EYA3: variants seen among roughly 807,000 people sequenced by gnomAD.
EYA3 encodes protein phosphatase EYA3.
Under a neutral mutation model 80.0 loss-of-function variants are expected in EYA3, and 39 were observed. The observed-to-expected ratio is 0.49, with a 90% confidence interval of 0.38 to 0.64. The LOEUF (loss-of-function observed/expected upper bound fraction) is 0.64, where lower values mean the gene tolerates loss of function less well. Ranked by LOEUF, EYA3 falls within the 30% of genes least tolerant of loss-of-function variation. The pLI is 0.00. For missense variants in EYA3, 523 were observed against 676.1 expected (o/e 0.77, Z 2.51); for synonymous variants, 206 against 232.8 (o/e 0.88, Z 1.05).
intron 17 of EYA3, among the ~76,000 whole-genome samples, chr1:27,976,382 C>T (rs542533469): frequency 1.9e-4 from 29 of 152,238 alleles, no homozygotes; most frequent in Middle Eastern, 3.4e-3. Flanking sequence ...ATCGCTTGAA[C>T]CCAGGAGGCG....
chr1:28,065,038 C>T (rs1644781855), intron 1 of EYA3, among the ~76,000 whole-genome samples: 1 of 152,214 alleles, frequency 6.6e-6, no homozygotes, highest in Non-Finnish European at 1.5e-5. Flanking sequence ...ACAGTAGTCT[C>T]CCCTTCCAAG....
chr1:27,996,215 C>T (rs566751082), intron 13 of EYA3, among the ~76,000 whole-genome samples: 6 of 152,212 alleles, frequency 3.9e-5, no homozygotes, highest in Non-Finnish European at 7.4e-5. Context: ...TAATTTGTTG[C>T]ATAGCAACAG....
chr1:27,999,177 C>G (rs1287074314), intron 12 of EYA3, among the ~76,000 whole-genome samples: 2 of 152,190 alleles, frequency 1.3e-5, no homozygotes, highest in Non-Finnish European at 2.9e-5. Flanking sequence ...AAAGTGTGCT[C>G]CCTCCCACCT....
chr1:28,046,579 C>T (rs1256524138), intron 3 of EYA3, among the ~76,000 whole-genome samples: 1 of 151,950 alleles, frequency 6.6e-6, no homozygotes, highest in Non-Finnish European at 1.5e-5. Flanking sequence ...ATTTTAGAGG[C>T]TGGGAAATCA....
In EYA3 at chr1:28,013,345, C is replaced by G. The variant is rs1390977106; in HGVS notation, c.586-51G>C. Reference sequence around the variant, plus strand: ...CAAGACTCTTATAGCATACATTAATCTCAACACAAGAGGCTTTCTTCTCCC... The same window carrying G: ...CAAGACTCTTATAGCATACATTAATGTCAACACAAGAGGCTTTCTTCTCCC... On this transcript the variant is annotated intron_variant, in intron 8 of 17. Coordinates refer to ENST00000373871, the MANE Select transcript of EYA3 (RefSeq NM_001990.4). This position sits in a 1 kb window ranked among gnomAD's most constrained non-coding sequence, Gnocchi z 4.0. 7.1e-7 allele frequency: 1 copy of G among 1,407,726 alleles called. No individual in the cohort carries two copies. The highest frequency in any genetic ancestry group is 2.4e-5 in the East Asian group (1 of 41,310). The allele number at this position is 1,407,726 out of a possible 1,614,324, so 87.2% of individuals were successfully genotyped here.
At chr1:28,072,158 T>C (rs1254987413) in intron 1 of EYA3, among the ~76,000 whole-genome samples, 1 of 152,078 alleles carries the variant, frequency 6.6e-6, no homozygotes, top group African/African-American at 2.4e-5. Flanking sequence ...AGATAGGAAC[T>C]GAAAAAATAG....
intron 6 of EYA3, among the ~76,000 whole-genome samples, chr1:28,033,651 A>T (rs1643275051): frequency 7.4e-6 from 1 of 135,464 alleles, no homozygotes; most frequent in Non-Finnish European, 1.6e-5. Flanking sequence ...TATTATTATT[A>T]TTATTATTAT....
intron 1 of EYA3, among the ~76,000 whole-genome samples, chr1:28,088,003 C>T (rs571849276): frequency 6.6e-6 from 1 of 152,294 alleles, no homozygotes; most frequent in East Asian, 1.9e-4. Context: ...AGAAGAACCC[C>T]AGGAGAAGCA....
chr1:27,972,540 T>C lies in EYA3; in HGVS notation c.*1926A>G, dbSNP rs1638771896. ...TGGCATTGGAAGGAGTCTTGCCTCT[T>C]TGTGCTGCAACATCTCTGGAAATGG... On this transcript the variant is annotated 3_prime_UTR_variant, in exon 18 of 18. Coordinates refer to ENST00000373871, the MANE Select transcript of EYA3 (RefSeq NM_001990.4). 2 of 152,384 alleles carry C rather than the reference T, an allele frequency of 1.3e-5. No individual in the cohort carries two copies. Among genetic ancestry groups the C allele is most frequent in the African/African-American group, 2.4e-5 (1 of 41,580 alleles). The allele number at this position is 152,384 out of a possible 1,614,324, so 9.4% of individuals were successfully genotyped here. A position where few individuals can be genotyped will look rare whatever the true frequency, so the allele number is the denominator to read the frequency against.
At chr1:28,045,800 CCAA>C (rs1443922086) in intron 3 of EYA3, among the ~76,000 whole-genome samples, 4 of 151,888 alleles carry the variant, frequency 2.6e-5, no homozygotes, top group Non-Finnish European at 5.9e-5. Flanking sequence ...CCAAAAAAAC[CCAA>C]CAACATCCAA....
chr1:28,083,193 C>T (rs1645492641), intron 1 of EYA3, among the ~76,000 whole-genome samples: 1 of 152,130 alleles, frequency 6.6e-6, no homozygotes, highest in Non-Finnish European at 1.5e-5. Flanking sequence ...ACTTCTGTAC[C>T]TCAGTTTCCT....
At chr1:28,042,816 G>A (rs566051668) in intron 3 of EYA3, among the ~76,000 whole-genome samples, 166 bp from the exon 4 acceptor site, 6 of 151,962 alleles carry the variant, frequency 3.9e-5, no homozygotes, top group African/African-American at 1.2e-4. Context: ...GAGAGCTCGG[G>A]CCAGGGCTAG....
intron 1 of EYA3, among the ~76,000 whole-genome samples, chr1:28,070,198 G>A (rs1644973355): frequency 6.6e-6 from 1 of 152,058 alleles, no homozygotes; most frequent in African/African-American, 2.4e-5. Flanking sequence ...TCTCTGTTTG[G>A]GCTTGTTGAC....
chr1:28,007,270 T>A (rs1357541813), intron 10 of EYA3, among the ~76,000 whole-genome samples: 3 of 151,608 alleles, frequency 2.0e-5, no homozygotes, highest in Non-Finnish European at 4.4e-5. Flanking sequence ...AAACCTTAAA[T>A]AACCCAGAGA....
At position 27,993,475 on chromosome 1, in the gene EYA3, C is replaced by T; in HGVS notation, c.1228G>A (p.Asp410Asn). The T allele has an allele frequency of 6.2e-7, 1 of 1,613,610 alleles. No individual in the cohort carries two copies. The highest frequency in any genetic ancestry group is 8.5e-7 in the Non-Finnish European group (1 of 1,179,834). Residue 410 changes from aspartate to asparagine, a missense_variant, in exon 14 of 18, where the codon GAC becomes AAC. Around this residue, in one of 2 missense-constraint regions of EYA3, gnomAD observed 219 missense variants for 332.8 expected, o/e 0.66. Coordinates refer to ENST00000373871, the MANE Select transcript of EYA3 (RefSeq NM_001990.4). ...CGGAAAGCTAGTTTCCTCATCCAGT[C>T]CACACCTCCCTGAACACCCACAGAT... is the stretch of plus-strand genomic sequence containing the variant. ...GSSVGVQGGV[D>N]WMRKLAFRYR...
chr1:27,998,401 G>A, intron 12 of EYA3: 1 of 706,244 alleles, frequency 1.4e-6, no homozygotes, highest in Non-Finnish European at 1.7e-6. Flanking sequence ...GCATGTAGTA[G>A]GTTTTCAATA....
chr1:27,992,590 C>T (rs1299893701), intron 14 of EYA3, among the ~76,000 whole-genome samples: 2 of 152,162 alleles, frequency 1.3e-5, no homozygotes, highest in African/African-American at 4.8e-5. Context: ...AATCTTTGAG[C>T]AACATTTTGT....
Position 28,013,869 on chromosome 1 carries a change from C to G in EYA3, c.586-575G>C, listed in dbSNP as rs12121009. ...CTTGAGGTCAGGAGTTCAAGACCAG[C>G]CTGACCAACATGGTGAAACCCTGTT... On this transcript the variant is annotated intron_variant, in intron 8 of 17. Transcript: ENST00000373871. This position sits in a 1 kb window ranked among gnomAD's most constrained non-coding sequence, Gnocchi z 4.0. Among the ~76,000 whole-genome samples the G allele has an allele frequency of 6.6e-6, 1 of 152,134 alleles. No homozygotes were observed. Among genetic ancestry groups the G allele is most frequent in the Non-Finnish European group, 1.5e-5 (1 of 68,032 alleles).
chr1:28,032,464 C>T (rs1406709009), intron 6 of EYA3, among the ~76,000 whole-genome samples: 5 of 151,978 alleles, frequency 3.3e-5, no homozygotes, highest in African/African-American at 4.8e-5. Flanking sequence ...GGATACATTC[C>T]CAGAAGTGAA....
Sources: gnomAD v4.1 joint callset for allele counts (sites outside exome capture counted in the v4.1 genomes callset) on GRCh38, gnomAD v4.1.1 for gene constraint, gnomAD v4.1.1 regional missense constraint, Gnocchi (gnomAD v3.1) non-coding constraint, MANE v1.5 for transcripts, NCBI Gene and HGNC (gene_info 2026-07-23, HGNC 2026-07-21) for gene names.